Variants in SNX29 observed in about 807,000 individuals in gnomAD.
SNX29 encodes the protein sorting nexin 29, also known as sorting nexin-29.
In SNX29, 78 loss-of-function variants were observed where a neutral mutation model predicts 102.1. The observed-to-expected ratio is 0.76, with a 90% CI of 0.64 to 0.92. SNX29 has a LOEUF of 0.92. Ranked by LOEUF, SNX29 falls within the 40% of genes least tolerant of loss-of-function variation. The probability of loss-of-function intolerance (pLI) is 0.00; values close to 1 mark genes in which losing one functional copy is unlikely to be tolerated. For missense variants in SNX29, 1,280 were observed against 1,061.7 expected (o/e 1.21, Z -2.86); for synonymous variants, 580 against 414.5 (o/e 1.40, Z -4.85).
At chr16:12,013,618 T>A (rs1487848086) in intron 3 of SNX29, among the ~76,000 whole-genome samples, 1 of 146,312 alleles carries the variant, frequency 6.8e-6, no homozygotes, top group Non-Finnish European at 1.5e-5. Context: ...TATTGGTTTT[T>A]AAATTATTTA....
At chr16:12,564,227 A>C (rs1216474649) in intron 20 of SNX29, among the ~76,000 whole-genome samples, 1 of 150,614 alleles carries the variant, frequency 6.6e-6, no homozygotes, top group Middle Eastern at 3.2e-3. Context: ...CACATCTCTA[A>C]GAGAAAAAAA....
chr16:12,189,565 T>G (rs2076592774), intron 13 of SNX29, among the ~76,000 whole-genome samples: 2 of 152,206 alleles, frequency 1.3e-5, no homozygotes, highest in Non-Finnish European at 2.9e-5. Flanking sequence ...CCATTCCTGA[T>G]GTTAACTTTG....
chr16:12,564,069 A>ATTTTGGGAGTTTG, intron 20 of SNX29, among the ~76,000 whole-genome samples: 1 of 152,234 alleles, frequency 6.6e-6, no homozygotes, highest in Non-Finnish European at 1.5e-5. Context: ...ACGATGCTGT[A>ATTTTGGGAGTTTG]TTTTGGGAGT....
intron 3 of SNX29, among the ~76,000 whole-genome samples, chr16:12,011,152 CT>C (rs1250518006): frequency 7.5e-6 from 1 of 134,074 alleles, no homozygotes; most frequent in Non-Finnish European, 1.6e-5. Flanking sequence ...ATTGCATACT[CT>C]TTTATTTTAC....
chr16:12,560,363 C>G (rs1468327797), intron 20 of SNX29, among the ~76,000 whole-genome samples: 1 of 152,128 alleles, frequency 6.6e-6, no homozygotes, highest in Non-Finnish European at 1.5e-5. Flanking sequence ...CATCTGGTGA[C>G]AGGTTGTGCG....
intron 11 of SNX29, among the ~76,000 whole-genome samples, chr16:12,113,564 C>A (rs1261710677): frequency 6.6e-6 from 1 of 152,190 alleles, no homozygotes; most frequent in African/African-American, 2.4e-5. Context: ...ATTGCCCGTG[C>A]ATATGATACC....
intron 14 of SNX29, among the ~76,000 whole-genome samples, chr16:12,252,975 G>A (rs188051000): frequency 6.6e-6 from 1 of 152,228 alleles, no homozygotes; most frequent in African/African-American, 2.4e-5. Flanking sequence ...GGATAGGAGT[G>A]GGGGAGGGTT....
chr16:12,158,642 C>G (rs1249957052), intron 13 of SNX29, among the ~76,000 whole-genome samples: 1 of 152,208 alleles, frequency 6.6e-6, no homozygotes, highest in African/African-American at 2.4e-5. Context: ...GATATGATGC[C>G]TCACCCAGGC....
chr16:12,383,704 A>T (rs1382800324), intron 16 of SNX29, among the ~76,000 whole-genome samples: 7 of 150,696 alleles, frequency 4.6e-5, no homozygotes, highest in African/African-American at 9.7e-5. Flanking sequence ...TCAAAGTGCT[A>T]GGATTACAGG....
chr16:12,291,926 C>T (rs1039293004), intron 15 of SNX29, among the ~76,000 whole-genome samples: 3 of 152,198 alleles, frequency 2.0e-5, no homozygotes, highest in Non-Finnish European at 2.9e-5. Context: ...ATTGAAGAAT[C>T]AGCCCTCTCC....
At chr16:12,401,359 ATTT>A (rs35886680) in intron 17 of SNX29, among the ~76,000 whole-genome samples, 6 of 101,484 alleles carry the variant, frequency 5.9e-5, no homozygotes, top group African/African-American at 1.1e-4. Flanking sequence ...ATAGAGTTAA[ATTT>A]TTTTTTTTTT....
chr16:12,541,043 T>G (rs773990966), intron 20 of SNX29, among the ~76,000 whole-genome samples: 1 of 152,204 alleles, frequency 6.6e-6, no homozygotes, highest in African/African-American at 2.4e-5. Context: ...CTCTGTAGTC[T>G]GGCTGCTATT....
chr16:12,346,242 G>A (rs2081800253), intron 15 of SNX29, among the ~76,000 whole-genome samples: 1 of 152,108 alleles, frequency 6.6e-6, no homozygotes, highest in Non-Finnish European at 1.5e-5. Flanking sequence ...ACAGACCTTG[G>A]AGAGATGAAG....
At chr16:12,560,312 T>C (rs757004364) in intron 20 of SNX29, among the ~76,000 whole-genome samples, 23 of 152,090 alleles carry the variant, frequency 1.5e-4, no homozygotes, top group Non-Finnish European at 1.0e-4. Context: ...CAAAATGTCA[T>C]GAAAAAATAA....
chr16:12,353,980 C>T (rs760460269), intron 15 of SNX29, among the ~76,000 whole-genome samples: 1 of 152,142 alleles, frequency 6.6e-6, no homozygotes, highest in Non-Finnish European at 1.5e-5. Context: ...CAGATGAGAA[C>T]CCATAAGTGC....
At chr16:12,104,718 T>C (rs931686915) in intron 11 of SNX29, among the ~76,000 whole-genome samples, 2 of 152,216 alleles carry the variant, frequency 1.3e-5, no homozygotes, top group African/African-American at 4.8e-5. Flanking sequence ...TTTCCTTAAA[T>C]AGTGGGTGTA....
intron 3 of SNX29, among the ~76,000 whole-genome samples, chr16:12,025,728 G>T (rs1014157308): frequency 6.6e-6 from 1 of 152,234 alleles, no homozygotes; most frequent in African/African-American, 2.4e-5. Flanking sequence ...ATTTGCTGAT[G>T]CTGTGTTAGG....
intron 13 of SNX29, among the ~76,000 whole-genome samples, chr16:12,185,636 T>G (rs534708662): frequency 1.3e-4 from 20 of 152,346 alleles, no homozygotes; most frequent in Non-Finnish European, 2.5e-4. Context: ...CTTTTTATCC[T>G]TACTGCATTC....
At chr16:12,375,741 G>A (rs2082848084) in intron 16 of SNX29, 1 of 152,212 alleles carries the variant, frequency 6.6e-6, no homozygotes, top group Non-Finnish European at 1.5e-5. Context: ...AGCTTTAGAG[G>A]TAGCATTCTG....
Sources: allele counts gnomAD v4.1 joint callset (sites outside exome capture counted in the v4.1 genomes callset), GRCh38; gene constraint gnomAD v4.1.1; transcripts MANE v1.5; gene names NCBI Gene and HGNC (gene_info 2026-07-23, HGNC 2026-07-21).